The following UNC79 variants were observed in gnomAD, a reference collection of about 807,000 sequenced individuals.
UNC79 encodes unc-79 subunit of NALCN channel complex, also known as protein unc-79 homolog.
UNC79 carries 37 observed loss-of-function variants against 283.1 expected under a neutral mutation model. The observed-to-expected ratio is 0.13, with a 90% CI of 0.10 to 0.17. UNC79 has a LOEUF of 0.17. UNC79 is among the 10% of genes least tolerant of loss of function. The pLI is 1.00. For synonymous variants in UNC79, 1,107 were observed against 1,200.2 expected (o/e 0.92, Z 1.61); for missense variants, 2,272 against 3,211.1 (o/e 0.71, Z 7.07).
At chr14:93,637,870 C>T (rs1420644914) in intron 32 of UNC79, among the ~76,000 whole-genome samples, 1 of 152,196 alleles carries the variant, frequency 6.6e-6, no homozygotes, top group Non-Finnish European at 1.5e-5. Flanking sequence ...CATGCCATAT[C>T]TACTCTTCTG....
At chr14:93,460,120 A>T (rs2056913009) in intron 1 of UNC79, among the ~76,000 whole-genome samples, 1 of 127,022 alleles carries the variant, frequency 7.9e-6, no homozygotes, top group Admixed American at 8.1e-5. Flanking sequence ...CAAGGTTAGG[A>T]GATTGAGACC....
At chr14:93,511,475 G>T (rs1254471979) in intron 7 of UNC79, among the ~76,000 whole-genome samples, 1 of 152,030 alleles carries the variant, frequency 6.6e-6, no homozygotes, top group Non-Finnish European at 1.5e-5. Context: ...TTGAGACAGA[G>T]TCTCGCTTTG....
rs919295241 is a variant in UNC79, at chr14:93,419,430, G to C, written c.-350-48241G>C. Among the ~76,000 whole-genome samples the C allele has an allele frequency of 2.0e-5, 3 of 151,384 alleles. No homozygotes were observed. The South Asian group carries it at 6.5e-4, about 33-fold the overall frequency. On this transcript the variant is annotated intron_variant, in intron 1 of 49. Coordinates refer to the UNC79 transcript ENST00000256339. ...GATCCACCTGCCTCAGCCTCCCAAA[G>C]TGCTGGGATTACAGGCCAGCACCAC... is the stretch of plus-strand genomic sequence containing the variant.
At chr14:93,462,619 G>C (rs2057000513) in intron 1 of UNC79, among the ~76,000 whole-genome samples, 1 of 152,246 alleles carries the variant, frequency 6.6e-6, no homozygotes, top group Admixed American at 6.5e-5. Context: ...TAATGACAGT[G>C]ACGATAAGGA....
In UNC79 at chr14:93,407,528, G is replaced by A. The variant is rs115576402; in HGVS notation, c.-350-60143G>A. Reference sequence around the variant, plus strand: ...GTGCTGAGAAAAATCTCATGCCTCTGGCAGGGGAGAGGAAAATACATCTGT... The same window carrying A: ...GTGCTGAGAAAAATCTCATGCCTCTAGCAGGGGAGAGGAAAATACATCTGT... On this transcript the variant is annotated intron_variant, in intron 1 of 49. Transcript: ENST00000256339. Among the ~76,000 whole-genome samples the A allele has an allele frequency of 2.8e-3, 424 of 152,256 alleles. 3 individuals are homozygous for A. Among genetic ancestry groups the A allele is most frequent in the African/African-American group, 9.9e-3 (410 of 41,556 alleles).
intron 2 of UNC79, among the ~76,000 whole-genome samples, chr14:93,468,000 C>T (rs1476030774): frequency 2.0e-5 from 3 of 152,014 alleles, no homozygotes; most frequent in Non-Finnish European, 4.4e-5. Flanking sequence ...TGGCTACTGC[C>T]TGCTTTCCCG....
intron 10 of UNC79, among the ~76,000 whole-genome samples, chr14:93,532,303 C>CT (rs2060858995): frequency 7.8e-6 from 1 of 127,596 alleles, no homozygotes; most frequent in Admixed American, 8.2e-5. Flanking sequence ...CCCATGTCTA[C>CT]AAAAAAAAAA....
intron 4 of UNC79, among the ~76,000 whole-genome samples, chr14:93,486,634 A>G (rs1005430017): frequency 6.8e-6 from 1 of 147,536 alleles, no homozygotes; most frequent in East Asian, 2.0e-4. Flanking sequence ...AGCCTGGGCA[A>G]CAAGAGTGAG....
chr14:93,681,060 C>A (rs2073807468), intron 41 of UNC79, among the ~76,000 whole-genome samples: 1 of 152,218 alleles, frequency 6.6e-6, no homozygotes, highest in Non-Finnish European at 1.5e-5. Flanking sequence ...TGGATAAGAT[C>A]ATAGAAAACG....
chr14:93,599,316 A>T (rs2065318723), intron 24 of UNC79, among the ~76,000 whole-genome samples: 1 of 151,954 alleles, frequency 6.6e-6, no homozygotes, highest in East Asian at 1.9e-4. Flanking sequence ...CTGCAGAGGA[A>T]ATTCAGCACT....
chr14:93,703,061 G>T lies in UNC79; in HGVS notation c.7549-1564G>T, dbSNP rs370354436. ...TTTAGGGCCATCTGGTGGGCTAAGG[G>T]TGTGAAGGCCTGGCCTGTGCTTTTC... On this transcript the variant is annotated intron_variant, in intron 47 of 48. Transcript: ENST00000555664. 3.3e-5 allele frequency among the ~76,000 whole-genome samples: 5 copies of T among 152,312 alleles called. No homozygotes were observed. The East Asian group carries it at 9.6e-4, about 29-fold the overall frequency.
At chr14:93,705,124 A>G (rs1426508457) in intron 48 of UNC79, among the ~76,000 whole-genome samples, 2 of 152,016 alleles carry the variant, frequency 1.3e-5, no homozygotes, top group African/African-American at 4.8e-5. Context: ...GGTTCTAGCT[A>G]CTTAGGAGGC....
At chr14:93,568,164 C>G (rs1283488808) in intron 14 of UNC79, among the ~76,000 whole-genome samples, 1 of 152,138 alleles carries the variant, frequency 6.6e-6, no homozygotes, top group African/African-American at 2.4e-5. Context: ...TCCTTTCACA[C>G]TTTGTATGAC....
intron 34 of UNC79, among the ~76,000 whole-genome samples, chr14:93,645,231 A>G (rs2069468531): frequency 6.6e-6 from 1 of 152,254 alleles, no homozygotes; most frequent in South Asian, 2.1e-4. Flanking sequence ...TTGTTTTAAC[A>G]TAAGTGAGAA....
chr14:93,413,161 C>G (rs1947440057), intron 1 of UNC79, among the ~76,000 whole-genome samples: 1 of 150,648 alleles, frequency 6.6e-6, no homozygotes, highest in African/African-American at 2.4e-5. Flanking sequence ...TTAGGTATAT[C>G]TCCTAAAGCT....
At chr14:93,584,806 C>T (rs559536507) in intron 20 of UNC79, among the ~76,000 whole-genome samples, 2 of 151,886 alleles carry the variant, frequency 1.3e-5, no homozygotes, top group Non-Finnish European at 2.9e-5. Context: ...AAGCAATTCT[C>T]ATTTCTTAGC....
chr14:93,654,501 A>G (rs1056895068), intron 37 of UNC79, among the ~76,000 whole-genome samples: 4 of 149,714 alleles, frequency 2.7e-5, no homozygotes, highest in African/African-American at 1.0e-4. Context: ...CAATGGCTAC[A>G]TTACACTCGC....
intron 7 of UNC79, among the ~76,000 whole-genome samples, chr14:93,516,967 AT>A (rs1464025152): frequency 6.6e-6 from 1 of 152,088 alleles, no homozygotes; most frequent in Non-Finnish European, 1.5e-5. Context: ...TTTATATGCT[AT>A]TATAAATAGT....
chr14:93,464,342 C>G (rs1242770), intron 1 of UNC79, among the ~76,000 whole-genome samples: 46,629 of 151,956 alleles, frequency 0.31, 7,511 homozygotes, highest in East Asian at 0.65. Context: ...CCTTGACTTG[C>G]AGATGGCTGC....
Sources: gnomAD v4.1 joint callset for allele counts (sites outside exome capture counted in the v4.1 genomes callset) on GRCh38, gnomAD v4.1.1 for gene constraint, MANE v1.5 for transcripts, NCBI Gene and HGNC (gene_info 2026-07-23, HGNC 2026-07-21) for gene names.